The following FOXP2 variants were observed in gnomAD, a reference collection of about 807,000 sequenced individuals.
The protein encoded by FOXP2 is forkhead box P2, also known as forkhead box protein P2.
A neutral mutation model predicts 115.8 loss-of-function variants in FOXP2; 12 were observed. The observed-to-expected ratio is 0.10, with a 90% confidence interval of 0.07 to 0.17. The LOEUF (loss-of-function observed/expected upper bound fraction) is 0.17, where lower values mean the gene tolerates loss of function less well. Ranked by LOEUF, FOXP2 falls within the 10% of genes least tolerant of loss-of-function variation. The pLI is 1.00. For synonymous variants in FOXP2, 328 were observed against 297.7 expected (o/e 1.10, Z -1.05); for missense variants, 629 against 843.5 (o/e 0.75, Z 3.15).
At chr7:114,238,469 T>A (rs1200442399) in intron 1 of FOXP2, among the ~76,000 whole-genome samples, 3 of 152,180 alleles carry the variant, frequency 2.0e-5, no homozygotes, top group African/African-American at 7.2e-5. Context: ...AGATGAGTAC[T>A]TCTATATTTT....
rs548460007 is a variant in FOXP2, at chr7:114,568,653, C to T, written c.258+33947C>T. The stretch of plus-strand genomic sequence containing the variant: ...TCCATCCCAAAGCTACAAAACTAGA[C>T]GAATTCTAATGAAAACCTCTTTTTT... On this transcript the variant is annotated intron_variant, in intron 3 of 16. Transcript: ENST00000350908. 7.2e-5 allele frequency among the ~76,000 whole-genome samples: 11 copies of T among 151,808 alleles called. No individual in the cohort carries two copies. In the East Asian group the frequency reaches 1.2e-3, roughly 16 times the overall value.
chr7:114,143,147 C>CAATAATAATAAT (rs77761140), intron 1 of FOXP2, among the ~76,000 whole-genome samples: 40 of 139,542 alleles, frequency 2.9e-4, no homozygotes, highest in South Asian at 1.4e-3. Flanking sequence ...GACCCTGTCT[C>CAATAATAATAAT]AATAATAATA....
intron 3 of FOXP2, among the ~76,000 whole-genome samples, chr7:114,607,950 G>A (rs1241003514): frequency 6.6e-6 from 1 of 152,120 alleles, no homozygotes; most frequent in Non-Finnish European, 1.5e-5. Context: ...GGGGAAGGAG[G>A]TTTCCTATAA....
At chr7:114,642,734 A>G (rs1363389063) in intron 7 of FOXP2, 111 bp downstream of exon 7, 1 of 684,368 alleles carries the variant, frequency 1.5e-6, no homozygotes, top group Non-Finnish European at 2.5e-6. Context: ...AATGTATAGA[A>G]CAACAGATTA....
chr7:114,221,633 C>T (rs1443732140), intron 1 of FOXP2, among the ~76,000 whole-genome samples: 1 of 152,078 alleles, frequency 6.6e-6, no homozygotes, highest in Non-Finnish European at 1.5e-5. Context: ...CCCCATGTCT[C>T]CCTAGGGCTG....
intron 1 of FOXP2, among the ~76,000 whole-genome samples, chr7:114,238,692 G>T (rs193228791): frequency 1.7e-4 from 26 of 151,784 alleles, no homozygotes; most frequent in Non-Finnish European, 2.2e-4. Context: ...TGATGGGTTG[G>T]GTCTGGGAGG....
In FOXP2 at chr7:114,271,173, T is replaced by C. The variant is rs574303934; in HGVS notation, c.-101-16846T>C. On this transcript the variant is annotated intron_variant, in intron 1 of 17. Coordinates refer to the FOXP2 transcript ENST00000634411. ...AATTACTTATTAGTTCCAGGAGTATTTTTGCTGATTCTTTCAGATTTTCTA... is the reference window on the plus strand; with the variant it reads ...AATTACTTATTAGTTCCAGGAGTATCTTTGCTGATTCTTTCAGATTTTCTA... 3.3e-5 allele frequency among the ~76,000 whole-genome samples: 5 copies of C among 152,082 alleles called. No homozygotes were observed. The South Asian group carries it at 8.3e-4, about 25-fold the overall frequency.
rs192269311 is a variant in FOXP2, at chr7:114,530,489, T to A, written c.169-4128T>A. On this transcript the variant is annotated intron_variant, in intron 2 of 16. Coordinates refer to ENST00000350908, the MANE Select transcript of FOXP2 (RefSeq NM_014491.4). ...CTATTTTTATGGGGAGATATATGAC[T>A]GATGTCTGTTTTTTCCCCTAATATA... 6.6e-4 allele frequency among the ~76,000 whole-genome samples: 101 copies of A among 152,038 alleles called. 1 individual carries two copies. Among genetic ancestry groups the A allele is most frequent in the African/African-American group, 2.4e-3 (100 of 41,544 alleles).
At chr7:114,465,028 A>G (rs1408201501) in intron 2 of FOXP2, among the ~76,000 whole-genome samples, 5 of 152,212 alleles carry the variant, frequency 3.3e-5, no homozygotes, top group Admixed American at 1.3e-4. Flanking sequence ...TTCACATTAT[A>G]TGGATACTGT....
chr7:114,125,421 G>A (rs1791681750), intron 1 of FOXP2, among the ~76,000 whole-genome samples: 1 of 152,110 alleles, frequency 6.6e-6, no homozygotes, highest in Admixed American at 6.6e-5. Context: ...ATATACTTAA[G>A]TGGAGTGTGA....
intron 16 of FOXP2, among the ~76,000 whole-genome samples, chr7:114,675,995 C>T (rs528802963): frequency 1.9e-4 from 28 of 151,234 alleles, no homozygotes; most frequent in African/African-American, 6.0e-4. Context: ...CTGCAAGCTC[C>T]GCCTCCCCAG....
chr7:114,594,710 A>G (rs1802607635), intron 3 of FOXP2, among the ~76,000 whole-genome samples: 1 of 152,074 alleles, frequency 6.6e-6, no homozygotes, highest in Non-Finnish European at 1.5e-5. Flanking sequence ...GCCTATGTTC[A>G]TAAGAATATG....
chr7:114,088,084 A>G (rs1799461117), intron 1 of FOXP2: 2 of 152,156 alleles, frequency 1.3e-5, no homozygotes, highest in African/African-American at 2.4e-5. Flanking sequence ...AAACCACTTA[A>G]TAGCTGCTAT....
chr7:114,532,811 A>C (rs1799203250), intron 2 of FOXP2, among the ~76,000 whole-genome samples: 1 of 151,956 alleles, frequency 6.6e-6, no homozygotes, highest in Admixed American at 6.6e-5. Context: ...TGGAAAAATA[A>C]TCAAATGCAT....
chr7:114,633,646 T>G (rs961767091), intron 6 of FOXP2, among the ~76,000 whole-genome samples: 2 of 152,144 alleles, frequency 1.3e-5, no homozygotes, highest in Non-Finnish European at 2.9e-5. Flanking sequence ...CATTGTCTTG[T>G]TTTTTACGAT....
intron 2 of FOXP2, among the ~76,000 whole-genome samples, chr7:114,514,566 G>A (rs1430547318): frequency 6.6e-6 from 1 of 151,536 alleles, no homozygotes; most frequent in Non-Finnish European, 1.5e-5. Flanking sequence ...CTTCATCCAT[G>A]TTGTCACAAA....
At chr7:114,329,281 G>A (rs537394881) in intron 2 of FOXP2, among the ~76,000 whole-genome samples, 55 of 152,188 alleles carry the variant, frequency 3.6e-4, no homozygotes, top group Non-Finnish European at 6.6e-4. Context: ...ACTTTGGGAG[G>A]CTGAAGCAGG....
rs143682022 is a variant in FOXP2, at chr7:114,255,728, C to T, written c.-101-32291C>T. On this transcript the variant is annotated intron_variant, in intron 1 of 17. Transcript: ENST00000634411. ...TGGCTAGGAAAGGGAAATTCCTGAC[C>T]CTTGTGCTTCCTGGGTGAGGCAATG... 1.4e-3 allele frequency among the ~76,000 whole-genome samples: 220 copies of T among 152,224 alleles called. 1 individual carries two copies. The highest frequency in any genetic ancestry group is 4.9e-3 in the African/African-American group (204 of 41,526).
intron 2 of FOXP2, among the ~76,000 whole-genome samples, chr7:114,326,489 C>G (rs925691217): frequency 2.6e-5 from 4 of 152,074 alleles, no homozygotes; most frequent in Non-Finnish European, 5.9e-5. Context: ...AATGTAAAGC[C>G]CTAAGCTTCA....
Sources: gnomAD v4.1 joint callset for allele counts (sites outside exome capture counted in the v4.1 genomes callset) on GRCh38, gnomAD v4.1.1 for gene constraint, MANE v1.5 for transcripts, NCBI Gene and HGNC (gene_info 2026-07-23, HGNC 2026-07-21) for gene names.